Variants in ITGA8 observed in about 807,000 individuals in gnomAD.
ITGA8 encodes integrin alpha-8.
In ITGA8, 91 loss-of-function variants were observed where a neutral mutation model predicts 142.3. That is an observed-to-expected ratio of 0.64 (90% CI 0.54 to 0.76). The LOEUF is 0.76. ITGA8 is among the 30% of genes least tolerant of loss of function. The pLI is 0.00. For missense variants in ITGA8, 1,406 were observed against 1,327.7 expected (o/e 1.06, Z -0.92); for synonymous variants, 505 against 485.2 (o/e 1.04, Z -0.54).
At chr10:15,680,279 G>A (rs898734809) in intron 4 of ITGA8, among the ~76,000 whole-genome samples, 34 of 132,876 alleles carry the variant, frequency 2.6e-4, no homozygotes, top group African/African-American at 9.4e-4. Context: ...CCAGGCTGGA[G>A]TGCAGTGGCG....
At chr10:15,597,365 C>CCCCCAGCATGGCTTT in intron 20 of ITGA8, 66 bp from the exon 21 acceptor site, 1 of 1,296,434 alleles carries the variant, frequency 7.7e-7, no homozygotes, top group Non-Finnish European at 1.1e-6. Flanking sequence ...AAAAGCCATG[C>CCCCCAGCATGGCTTT]TGGGGGCCTG....
At chr10:15,566,433 CCT>C (rs1455666744) in intron 25 of ITGA8, among the ~76,000 whole-genome samples, 1 of 152,184 alleles carries the variant, frequency 6.6e-6, no homozygotes, top group Non-Finnish European at 1.5e-5. Flanking sequence ...TATCGGTCTT[CCT>C]CTCCTAGGTA....
chr10:15,648,182 C>T (rs1296721427), intron 11 of ITGA8, among the ~76,000 whole-genome samples: 1 of 152,082 alleles, frequency 6.6e-6, no homozygotes, highest in Non-Finnish European at 1.5e-5. Context: ...TTACAAGTCA[C>T]ACCAACCAAA....
chr10:15,645,599 C>T (rs968227928), intron 12 of ITGA8, among the ~76,000 whole-genome samples: 1 of 152,044 alleles, frequency 6.6e-6, no homozygotes, highest in African/African-American at 2.4e-5. Flanking sequence ...TTGCTGAGAA[C>T]TTTTTTTCAA....
chr10:15,667,450 T>C (rs1258247734), intron 8 of ITGA8, among the ~76,000 whole-genome samples: 1 of 152,222 alleles, frequency 6.6e-6, no homozygotes, highest in African/African-American at 2.4e-5. Context: ...TCAATTTTGT[T>C]GATCTTTTCA....
In ITGA8 at chr10:15,523,648, G is replaced by C. The variant is rs144481924; in HGVS notation, c.2983-4236C>G. Among the ~76,000 whole-genome samples, 1,416 of 151,596 alleles carry C rather than the reference G, an allele frequency of 9.3e-3. 18 individuals are homozygous for C. Among genetic ancestry groups the C allele is most frequent in the African/African-American group, 0.033 (1,369 of 41,284 alleles). On this transcript the variant is annotated intron_variant, in intron 28 of 29. Transcript: ENST00000378076. ...CTTTGGGCCAGGTGTGGTGGCTTAC[G>C]CCTGTAATCCCAGCACTTTGGGAGG...
chr10:15,694,257 T>TATCATATATATGATA (rs201724643), intron 2 of ITGA8, among the ~76,000 whole-genome samples: 4 of 95,376 alleles, frequency 4.2e-5, no homozygotes, highest in African/African-American at 1.4e-4. Context: ...TATGATAACA[T>TATCATATATATGATA]ATACATCAGA....
In ITGA8 at chr10:15,553,997, GA is replaced by G. The variant is rs751913266; in HGVS notation, c.2766+4076del. Among the ~76,000 whole-genome samples, 145 of 147,816 alleles carry G rather than the reference GA, an allele frequency of 9.8e-4. No individual in the cohort carries two copies. The East Asian group carries it at 0.014, about 15-fold the overall frequency. On this transcript the variant is annotated intron_variant, in intron 26 of 29. Coordinates refer to ENST00000378076, the MANE Select transcript of ITGA8 (RefSeq NM_003638.3). Reference sequence around the variant, plus strand: ...ACCAAGAGTGAAACTCTTGTCTCAAGAAAAAAAAAAAGTTATCCATATGATG... The same window carrying G: ...ACCAAGAGTGAAACTCTTGTCTCAAGAAAAAAAAAAGTTATCCATATGATG...
chr10:15,599,215 T>A, intron 20 of ITGA8, among the ~76,000 whole-genome samples: 1 of 152,110 alleles, frequency 6.6e-6, no homozygotes, highest in East Asian at 1.9e-4. Flanking sequence ...ACCCTTTTTC[T>A]TTTTTTAGGC....
At chr10:15,657,915 C>T (rs1834216544) in intron 10 of ITGA8, among the ~76,000 whole-genome samples, 1 of 152,156 alleles carries the variant, frequency 6.6e-6, no homozygotes, top group Non-Finnish European at 1.5e-5. Context: ...CTATATCTTA[C>T]TGAAATAGAG....
chr10:15,681,097 G>A (rs1382800692), intron 4 of ITGA8, among the ~76,000 whole-genome samples: 1 of 152,176 alleles, frequency 6.6e-6, no homozygotes, highest in Non-Finnish European at 1.5e-5. Context: ...GACCATGAGA[G>A]CCATAGGCAG....
intron 13 of ITGA8, among the ~76,000 whole-genome samples, chr10:15,623,603 T>C (rs1833531965): frequency 6.6e-6 from 1 of 152,098 alleles, no homozygotes; most frequent in Admixed American, 6.5e-5. Flanking sequence ...GGGGAATCGC[T>C]TGAACCCAGG....
chr10:15,666,040 T>C (rs1445381729), intron 8 of ITGA8, among the ~76,000 whole-genome samples: 1 of 152,262 alleles, frequency 6.6e-6, no homozygotes, highest in Admixed American at 6.5e-5. Flanking sequence ...GTAGTTTTTT[T>C]CCAATTCTGT....
intron 10 of ITGA8, among the ~76,000 whole-genome samples, chr10:15,657,336 A>C (rs927173443): frequency 4.6e-5 from 7 of 152,286 alleles, no homozygotes; most frequent in Admixed American, 4.6e-4. Flanking sequence ...TATCTATTCA[A>C]CTTCCCGCTC....
intron 21 of ITGA8, among the ~76,000 whole-genome samples, chr10:15,593,039 T>G (rs1019148547): frequency 6.6e-6 from 1 of 152,256 alleles, no homozygotes; most frequent in African/African-American, 2.4e-5. Flanking sequence ...AATGTTTATG[T>G]GCAATGCACG....
Position 15,586,605 on chromosome 10 carries a change from A to G in ITGA8, c.2351T>C (p.Val784Ala), listed in dbSNP as rs762605232. 6 of 1,611,608 alleles carry G rather than the reference A, an allele frequency of 3.7e-6. No individual in the cohort carries two copies. The African/African-American group carries it at 8.0e-5, about 22-fold the overall frequency. The change falls in exon 23 of 30, where the codon GTA (valine) becomes GCA (alanine). Residue 784 changes from valine to alanine, a missense_variant. Transcript: ENST00000378076. Reference protein sequence around the residue: ...FVSLQINITAVAQVEIRGVSH... With the variant: ...FVSLQINITAAAQVEIRGVSH... Reference sequence around the variant, plus strand: ...TTACCCTCTTATTTCCACCTGCGCTACAGCAGTGATGTTGATTTGCAGGCT... The same window carrying G: ...TTACCCTCTTATTTCCACCTGCGCTGCAGCAGTGATGTTGATTTGCAGGCT...
At chr10:15,618,742 C>G (rs936882690) in intron 13 of ITGA8, among the ~76,000 whole-genome samples, 2 of 152,184 alleles carry the variant, frequency 1.3e-5, no homozygotes, top group African/African-American at 2.4e-5. Flanking sequence ...TTCCTGCCCT[C>G]GAACATCAGA....
In ITGA8 at chr10:15,635,446, C is replaced by G. The variant is rs149480199; in HGVS notation, c.1399+8584G>C. Reference sequence around the variant, plus strand: ...AAGACCCTGGGAGGAGTAATCCATGCACCTTTGTCACTTCTTGATAAGGAA... The same window carrying G: ...AAGACCCTGGGAGGAGTAATCCATGGACCTTTGTCACTTCTTGATAAGGAA... On this transcript the variant is annotated intron_variant, in intron 13 of 29. Transcript: ENST00000378076. 3.3e-4 allele frequency among the ~76,000 whole-genome samples: 50 copies of G among 152,246 alleles called. No homozygotes were observed. In the East Asian group the frequency reaches 9.7e-3, roughly 29 times the overall value.
chr10:15,515,533 A>G lies in ITGA8; in HGVS notation c.*1625T>C, dbSNP rs1564331450. 6.6e-6 allele frequency: 1 copy of G among 152,202 alleles called. No homozygotes were observed. Among genetic ancestry groups the G allele is most frequent in the Non-Finnish European group, 1.5e-5 (1 of 68,040 alleles). The allele number at this position is 152,202 out of a possible 1,614,324, so 9.4% of individuals were successfully genotyped here. On this transcript the variant is annotated 3_prime_UTR_variant, in exon 30 of 30. Coordinates refer to ENST00000378076, the MANE Select transcript of ITGA8 (RefSeq NM_003638.3). ...AGCGTGATTGTTGAAATCAGGACAC[A>G]AAGTTTTCCAACAGCTTTGTAAACT...
Sources: allele counts gnomAD v4.1 joint callset (sites outside exome capture counted in the v4.1 genomes callset), GRCh38; gene constraint gnomAD v4.1.1; transcripts MANE v1.5; gene names NCBI Gene and HGNC (gene_info 2026-07-23, HGNC 2026-07-21).